TMPRSS15: variants seen among roughly 807,000 people sequenced by gnomAD.
TMPRSS15 encodes the protein transmembrane serine protease 15, also known as enteropeptidase.
TMPRSS15 carries 128 observed loss-of-function variants against 125.3 expected under a neutral mutation model. That is an observed-to-expected ratio of 1.02 (90% confidence interval 0.89 to 1.18). The LOEUF (loss-of-function observed/expected upper bound fraction) is 1.18, where lower values mean the gene tolerates loss of function less well. TMPRSS15 is among the 50% of genes most tolerant of loss of function. The probability of loss-of-function intolerance (pLI) is 0.00; values close to 1 mark genes in which losing one functional copy is unlikely to be tolerated. For missense variants in TMPRSS15, 1,283 were observed against 1,212.7 expected, an observed-to-expected ratio of 1.06 and a Z score of -0.86; for synonymous variants, 446 against 423.2, an observed-to-expected ratio of 1.05 and a Z score of -0.66.
chr21:18,402,183 T>A (rs2076101045), intron 1 of TMPRSS15, among the ~76,000 whole-genome samples: 1 of 152,116 alleles, frequency 6.6e-6, no homozygotes, highest in Admixed American at 6.5e-5. Flanking sequence ...ACTTACTTAT[T>A]TACTAGAATA....
intron 18 of TMPRSS15, among the ~76,000 whole-genome samples, chr21:18,306,509 T>C (rs1004874177): frequency 2.6e-5 from 4 of 152,210 alleles, no homozygotes; most frequent in African/African-American, 9.6e-5. Context: ...AGGCTCAATT[T>C]GATGTTCCTG....
At chr21:18,399,013 A>T (rs999734176) in intron 1 of TMPRSS15, among the ~76,000 whole-genome samples, 2 of 152,160 alleles carry the variant, frequency 1.3e-5, no homozygotes, top group African/African-American at 4.8e-5. Context: ...GGATAATAAA[A>T]TGTGTCATTA....
chr21:18,415,322 T>C (rs370064667), intron 1 of TMPRSS15, among the ~76,000 whole-genome samples: 5 of 152,288 alleles, frequency 3.3e-5, no homozygotes, highest in East Asian at 3.9e-4. Flanking sequence ...TTCAATCTGT[T>C]GCTTCCTTTC....
chr21:18,443,916 A>C (rs1380223835), intron 1 of TMPRSS15, among the ~76,000 whole-genome samples: 1 of 152,146 alleles, frequency 6.6e-6, no homozygotes, highest in Non-Finnish European at 1.5e-5. Flanking sequence ...ACAGCAAAGC[A>C]GGCAACTGAA....
intron 1 of TMPRSS15, among the ~76,000 whole-genome samples, chr21:18,473,796 TTAAG>T (rs1320707533): frequency 2.0e-5 from 3 of 152,146 alleles, no homozygotes; most frequent in Non-Finnish European, 4.4e-5. Flanking sequence ...TAATTCATTA[TTAAG>T]TAAGGAGATT....
intron 23 of TMPRSS15, among the ~76,000 whole-genome samples, chr21:18,275,867 G>A (rs1173809887): frequency 1.3e-5 from 2 of 152,038 alleles, no homozygotes; most frequent in Non-Finnish European, 2.9e-5. Flanking sequence ...TGCATACCCA[G>A]GTGAAGAGAA....
chr21:18,291,193 AAACTTAGAGATACT>A (rs1374335689), intron 21 of TMPRSS15, among the ~76,000 whole-genome samples: 8 of 152,204 alleles, frequency 5.3e-5, no homozygotes, highest in Admixed American at 5.2e-4. Flanking sequence ...GAGGAAACGG[AAACTTAGAGATACT>A]AAGTTGCTTG....
In TMPRSS15 at chr21:18,453,677, G is replaced by A. The variant is rs146614106; in HGVS notation, c.10+32122C>T. 2.1e-3 allele frequency among the ~76,000 whole-genome samples: 320 copies of A among 152,274 alleles called. 2 individuals are homozygous for A. The highest frequency in any genetic ancestry group is 7.3e-3 in the African/African-American group (304 of 41,552). ...AAATACCCAAAAGAATTGGAATTCA[G>A]ATCTCTAAGAGATATCTGCACTCCT... On this transcript the variant is annotated intron_variant, in intron 1 of 7. Coordinates refer to the TMPRSS15 transcript ENST00000422787.
chr21:18,451,686 A>G (rs1978341848), intron 1 of TMPRSS15, among the ~76,000 whole-genome samples: 1 of 152,172 alleles, frequency 6.6e-6, no homozygotes, highest in South Asian at 2.1e-4. Context: ...TTGGACAGCT[A>G]ACATGTTTCA....
rs2075871379 is a variant in TMPRSS15 at position 18,379,336 on chromosome 21, TTAAAA to T, written c.497-23_497-19del. ...TAGCTTGTCTGAAAAATAAATTATATTAAAATAATTATTACCTATTTTAAACTAAT... is the reference window on the plus strand; with the variant it reads ...TAGCTTGTCTGAAAAATAAATTATATTAATTATTACCTATTTTAAACTAAT... On this transcript the variant is annotated intron_variant, in intron 4 of 24. Transcript: ENST00000284885. The T allele has an allele frequency of 8.3e-7, 1 of 1,198,206 alleles. No homozygotes were observed. Among genetic ancestry groups the T allele is most frequent in the Admixed American group, 2.7e-5 (1 of 37,098 alleles). 74.2% of individuals were successfully genotyped at this position (1,198,206 alleles called of 1,614,324 possible).
Position 18,467,400 on chromosome 21 carries a change from T to TATAATA in TMPRSS15, c.10+18393_10+18398dup, listed in dbSNP as rs367778639. Among the ~76,000 whole-genome samples, 179 of 150,312 alleles carry TATAATA rather than the reference T, an allele frequency of 1.2e-3. 1 individual carries two copies. Among genetic ancestry groups the TATAATA allele is most frequent in the African/African-American group, 3.6e-3 (148 of 40,750 alleles). ...TGCACATGTATCCCAGAATGAAAAG[T>TATAATA]ATAATAATAATAATAATAATAATAA... On this transcript the variant is annotated intron_variant, in intron 1 of 7. Coordinates refer to the TMPRSS15 transcript ENST00000422787.
chr21:18,375,570 A>G (rs2075833898), intron 5 of TMPRSS15, among the ~76,000 whole-genome samples: 1 of 152,178 alleles, frequency 6.6e-6, no homozygotes, highest in South Asian at 2.1e-4. Context: ...AAGCTAATCA[A>G]ATTTCCTTCA....
At chr21:18,389,972 CATT>C (rs2075977351) in intron 3 of TMPRSS15, among the ~76,000 whole-genome samples, 1 of 152,150 alleles carries the variant, frequency 6.6e-6, no homozygotes, top group Non-Finnish European at 1.5e-5. Flanking sequence ...GGCACGAGTT[CATT>C]GTCACACTCT....
intron 1 of TMPRSS15, among the ~76,000 whole-genome samples, chr21:18,423,628 A>C (rs1218572825): frequency 1.3e-5 from 2 of 151,018 alleles, no homozygotes; most frequent in Non-Finnish European, 3.0e-5. Flanking sequence ...CGTGTTGGCC[A>C]GATGGTCTCG....
At chr21:18,484,394 A>C (rs189041025) in intron 1 of TMPRSS15, among the ~76,000 whole-genome samples, 12 of 151,990 alleles carry the variant, frequency 7.9e-5, no homozygotes, top group Admixed American at 7.2e-4. Context: ...TATTTTTGCT[A>C]GGGTATTTGT....
At chr21:18,326,142 A>G (rs1215902845) in intron 16 of TMPRSS15, among the ~76,000 whole-genome samples, 1 of 152,136 alleles carries the variant, frequency 6.6e-6, no homozygotes. Context: ...CAAGTATCCT[A>G]CTTTTAACAT....
At chr21:18,454,947 C>A (rs1445277408) in intron 1 of TMPRSS15, among the ~76,000 whole-genome samples, 2 of 152,096 alleles carry the variant, frequency 1.3e-5, no homozygotes, top group East Asian at 3.9e-4. Flanking sequence ...GGCTGTGTCC[C>A]CACCCAAATC....
At chr21:18,310,984 G>A (rs991943217) in intron 18 of TMPRSS15, among the ~76,000 whole-genome samples, 109 of 149,784 alleles carry the variant, frequency 7.3e-4, no homozygotes, top group Non-Finnish European at 1.3e-3. Flanking sequence ...TTCACTGGGG[G>A]GGAAGAACAA....
At chr21:18,270,241 T>C in intron 24 of TMPRSS15, 117 bp from the exon 25 acceptor site, 3 of 888,588 alleles carry the variant, frequency 3.4e-6, no homozygotes, top group Non-Finnish European at 3.4e-6. Context: ...TATGATTTAA[T>C]TGCAAGTCAT....
Sources: allele counts gnomAD v4.1 joint callset (sites outside exome capture counted in the v4.1 genomes callset), GRCh38; gene constraint gnomAD v4.1.1; transcripts MANE v1.5; gene names NCBI Gene and HGNC (gene_info 2026-07-23, HGNC 2026-07-21).